The following MKLN1 variants were observed in gnomAD, a reference collection of about 807,000 sequenced individuals.
The protein encoded by MKLN1 is muskelin 1, also known as muskelin.
Under a neutral mutation model 99.0 loss-of-function variants are expected in MKLN1, and 18 were observed. The ratio of observed to expected loss-of-function variants is 0.18; its 90% CI spans 0.13 to 0.27. The LOEUF (loss-of-function observed/expected upper bound fraction) is 0.27. Ranked by LOEUF, MKLN1 falls within the 10% of genes least tolerant of loss-of-function variation. The pLI, the probability that MKLN1 is intolerant of heterozygous loss-of-function variation, is 1.00. For missense variants in MKLN1, 621 were observed against 875.9 expected, an observed-to-expected ratio of 0.71 and a Z score of 3.67; for synonymous variants, 288 against 293.2, an observed-to-expected ratio of 0.98 and a Z score of 0.18.
At chr7:131,137,400 C>T (rs190455197) in intron 1 of MKLN1, among the ~76,000 whole-genome samples, 5 of 152,108 alleles carry the variant, frequency 3.3e-5, no homozygotes, top group East Asian at 1.9e-4. Context: ...ATTATTGCAA[C>T]GTAATGTGTA....
chr7:131,158,913 C>T (rs1474792407), intron 2 of MKLN1, among the ~76,000 whole-genome samples: 2 of 152,116 alleles, frequency 1.3e-5, no homozygotes, highest in African/African-American at 4.8e-5. Context: ...GATTAGATCC[C>T]TGCCTTCTAG....
chr7:131,229,964 A>G (rs1357793454), intron 3 of MKLN1, among the ~76,000 whole-genome samples: 2 of 152,194 alleles, frequency 1.3e-5, no homozygotes, highest in African/African-American at 4.8e-5. Context: ...AAATTATGTC[A>G]AAGAAATATA....
chr7:131,112,294 T>C (rs1021780595), intron 1 of MKLN1, among the ~76,000 whole-genome samples: 1 of 152,248 alleles, frequency 6.6e-6, no homozygotes, highest in African/African-American at 2.4e-5. Context: ...ACTTCTGTGA[T>C]GAGATTGAAC....
chr7:131,115,947 C>T (rs7799156), intron 1 of MKLN1, among the ~76,000 whole-genome samples: 2,092 of 152,124 alleles, frequency 0.014, 52 homozygotes, highest in African/African-American at 0.047. Context: ...TTATCACATA[C>T]GGTTGAAAAC....
chr7:131,310,227 C>T (rs1798541697), intron 3 of MKLN1: 1 of 152,178 alleles, frequency 6.6e-6, no homozygotes, highest in Admixed American at 6.5e-5. Flanking sequence ...GTACATGCCT[C>T]AAAAGGGGGT....
chr7:131,322,632 G>A (rs1017862121), intron 3 of MKLN1, among the ~76,000 whole-genome samples: 10 of 143,472 alleles, frequency 7.0e-5, no homozygotes, highest in Admixed American at 4.5e-4. Flanking sequence ...CTGCAGTGGC[G>A]CAATCTCGGC....
chr7:131,248,288 T>C (rs1174107603), intron 3 of MKLN1, among the ~76,000 whole-genome samples: 1 of 150,314 alleles, frequency 6.7e-6, no homozygotes, highest in Non-Finnish European at 1.5e-5. Flanking sequence ...TAATTGGTAT[T>C]TGTTTTTTAA....
intron 3 of MKLN1, among the ~76,000 whole-genome samples, chr7:131,212,590 G>C (rs879767379): frequency 2.6e-5 from 4 of 152,132 alleles, no homozygotes; most frequent in Non-Finnish European, 5.9e-5. Flanking sequence ...CAGGCAAACA[G>C]AAAACTATGA....
chr7:131,270,038 C>T (rs575290085), intron 3 of MKLN1, among the ~76,000 whole-genome samples: 7 of 152,068 alleles, frequency 4.6e-5, no homozygotes, highest in African/African-American at 1.4e-4. Context: ...ATTCTCCTGC[C>T]TCAGCCTCCC....
At chr7:131,222,715 C>T (rs1428338289) in intron 3 of MKLN1, among the ~76,000 whole-genome samples, 1 of 152,086 alleles carries the variant, frequency 6.6e-6, no homozygotes, top group Non-Finnish European at 1.5e-5. Context: ...CCCATATAAA[C>T]ATTTAAAAAT....
intron 17 of MKLN1, among the ~76,000 whole-genome samples, chr7:131,479,455 A>G (rs927393388): frequency 6.6e-6 from 1 of 152,150 alleles, no homozygotes; most frequent in Non-Finnish European, 1.5e-5. Flanking sequence ...ACTTGAGCCC[A>G]GGAGGTAGAG....
At chr7:131,169,761 A>T (rs1221033094) in intron 2 of MKLN1, among the ~76,000 whole-genome samples, 1 of 152,216 alleles carries the variant, frequency 6.6e-6, no homozygotes, top group Non-Finnish European at 1.5e-5. Flanking sequence ...CCATTTAATA[A>T]CTCATTTATT....
rs1297769482 is a variant in MKLN1 at position 131,339,033 on chromosome 7, C to T, written c.98+11036C>T. Among the ~76,000 whole-genome samples, 6 of 152,174 alleles carry T rather than the reference C, an allele frequency of 3.9e-5. No homozygotes were observed. In the South Asian group the frequency reaches 1.0e-3, roughly 26 times the overall value. On this transcript the variant is annotated intron_variant, in intron 1 of 17. Coordinates refer to ENST00000352689, the MANE Select transcript of MKLN1 (RefSeq NM_013255.5). ...AGTTTTCTTAATAACATTTTCCTTT[C>T]TCTAGCTTATTGTAAGAATATAGTA...
intron 3 of MKLN1, among the ~76,000 whole-genome samples, chr7:131,253,291 G>T (rs1028283272): frequency 2.6e-5 from 4 of 151,922 alleles, no homozygotes; most frequent in African/African-American, 9.7e-5. Flanking sequence ...TGGAAAAACA[G>T]AGCTCCCTCT....
At chr7:131,378,057 A>C (rs1044421483) in intron 2 of MKLN1, among the ~76,000 whole-genome samples, 2 of 152,180 alleles carry the variant, frequency 1.3e-5, no homozygotes, top group African/African-American at 4.8e-5. Flanking sequence ...ATGTTTACTT[A>C]GTTGTATGAG....
At chr7:131,225,152 T>A (rs1390128637) in intron 3 of MKLN1, among the ~76,000 whole-genome samples, 2 of 151,772 alleles carry the variant, frequency 1.3e-5, no homozygotes, top group Non-Finnish European at 2.9e-5. Context: ...TAAAATACCA[T>A]AGACTGGATG....
Position 131,345,902 on chromosome 7 carries a change from T to TAATA in MKLN1, c.98+17906_98+17909dup, listed in dbSNP as rs369129300. Among the ~76,000 whole-genome samples the TAATA allele has an allele frequency of 3.1e-3, 471 of 152,334 alleles. 1 individual carries two copies. The highest frequency in any genetic ancestry group is 0.011 in the African/African-American group (449 of 41,572). ...GTTTTTAATATATTGTTTTGGTCAA[T>TAATA]AATATACTTATGAAATTGATAATAA... On this transcript the variant is annotated intron_variant, in intron 1 of 17. Transcript: ENST00000352689.
chr7:131,467,253 C>T (rs1796691033), intron 15 of MKLN1, among the ~76,000 whole-genome samples: 1 of 152,118 alleles, frequency 6.6e-6, no homozygotes, highest in South Asian at 2.1e-4. Flanking sequence ...ACCGCTTAAC[C>T]CTCATATATA....
At chr7:131,470,298 G>T (rs1796782269) in intron 15 of MKLN1, among the ~76,000 whole-genome samples, 2 of 152,136 alleles carry the variant, frequency 1.3e-5, no homozygotes. Context: ...TTGATAAGTG[G>T]TTGCTGCAGT....
Sources: allele counts gnomAD v4.1 joint callset (sites outside exome capture counted in the v4.1 genomes callset), GRCh38; gene constraint gnomAD v4.1.1; transcripts MANE v1.5; gene names NCBI Gene and HGNC (gene_info 2026-07-23, HGNC 2026-07-21).